The following NR3C2 variants were observed in gnomAD, a reference collection of about 807,000 sequenced individuals.
The protein encoded by NR3C2 is mineralocorticoid receptor.
A neutral mutation model predicts 86.4 loss-of-function variants in NR3C2; 15 were observed. That is an observed-to-expected ratio of 0.17 (90% CI 0.12 to 0.27). NR3C2 has a LOEUF of 0.27. Ranked by LOEUF, NR3C2 falls within the 10% of genes least tolerant of loss-of-function variation. The probability of loss-of-function intolerance (pLI) is 1.00; values close to 1 mark genes in which losing one functional copy is unlikely to be tolerated. For synonymous variants in NR3C2, 458 were observed against 450.5 expected (o/e 1.02, Z -0.21); for missense variants, 960 against 1,195.6 (o/e 0.80, Z 2.91).
intron 6 of NR3C2, among the ~76,000 whole-genome samples, chr4:148,144,797 G>T (rs186900203): frequency 1.3e-5 from 2 of 152,282 alleles, no homozygotes; most frequent in Admixed American, 1.3e-4. Context: ...TTCCATTCTG[G>T]AGTGCTTCTG....
chr4:148,371,699 A>G (rs1237841028), intron 2 of NR3C2, among the ~76,000 whole-genome samples: 1 of 152,164 alleles, frequency 6.6e-6, no homozygotes, highest in African/African-American at 2.4e-5. Flanking sequence ...CACTTTCCTT[A>G]AATTTTTGAT....
intron 2 of NR3C2, among the ~76,000 whole-genome samples, chr4:148,313,891 AACTT>A (rs1161878592): frequency 6.6e-6 from 1 of 152,182 alleles, no homozygotes; most frequent in African/African-American, 2.4e-5. Context: ...TGCTAGCATA[AACTT>A]GTGAGTTTTA....
At chr4:148,171,228 A>G (rs1196803345) in intron 4 of NR3C2, among the ~76,000 whole-genome samples, 1 of 152,180 alleles carries the variant, frequency 6.6e-6, no homozygotes, top group Non-Finnish European at 1.5e-5. Flanking sequence ...TTTATGGTCT[A>G]TGTCTCATCT....
chr4:148,264,575 C>A (rs1198789213), intron 2 of NR3C2, among the ~76,000 whole-genome samples: 2 of 152,194 alleles, frequency 1.3e-5, no homozygotes, highest in Non-Finnish European at 2.9e-5. Flanking sequence ...GAGGCCTGGG[C>A]TCTAGTTCTA....
chr4:148,225,760 C>T (rs1305733475), intron 3 of NR3C2, among the ~76,000 whole-genome samples: 1 of 152,140 alleles, frequency 6.6e-6, no homozygotes, highest in Non-Finnish European at 1.5e-5. Flanking sequence ...AACCACATTC[C>T]TAAGGAAATG....
chr4:148,436,941 G>T (rs961107916), intron 1 of NR3C2, 79 bp from the exon 2 acceptor site: 1 of 1,151,972 alleles, frequency 8.7e-7, no homozygotes, highest in African/African-American at 1.5e-5. Context: ...AATTGCATTT[G>T]CTAAGCCACA....
At chr4:148,372,991 A>G (rs1746494043) in intron 2 of NR3C2, among the ~76,000 whole-genome samples, 2 of 152,360 alleles carry the variant, frequency 1.3e-5, no homozygotes, top group African/African-American at 2.4e-5. Context: ...AAGAAAGTAG[A>G]TATCTTTGAG....
chr4:148,124,787 C>G (rs992921078), intron 6 of NR3C2, among the ~76,000 whole-genome samples: 2 of 152,138 alleles, frequency 1.3e-5, no homozygotes, highest in Admixed American at 1.3e-4. Context: ...CTTTTTATCT[C>G]TCTGTACTGC....
intron 3 of NR3C2, among the ~76,000 whole-genome samples, chr4:148,233,141 G>A (rs1309472205): frequency 6.6e-6 from 1 of 152,104 alleles, no homozygotes; most frequent in Non-Finnish European, 1.5e-5. Context: ...CTTATCATTT[G>A]TGTGTTCACT....
At chr4:148,153,344 A>C (rs1734193397) in intron 5 of NR3C2, among the ~76,000 whole-genome samples, 1 of 152,010 alleles carries the variant, frequency 6.6e-6, no homozygotes, top group Admixed American at 6.6e-5. Context: ...CGCCCAACTA[A>C]ATTTTGTATT....
chr4:148,281,008 C>T (rs148394877), intron 2 of NR3C2, among the ~76,000 whole-genome samples: 4 of 152,324 alleles, frequency 2.6e-5, no homozygotes, highest in Non-Finnish European at 5.9e-5. Context: ...GTCTCCGCTC[C>T]TTGGGCTAGA....
At chr4:148,267,182 G>A (rs1473308998) in intron 2 of NR3C2, among the ~76,000 whole-genome samples, 2 of 152,120 alleles carry the variant, frequency 1.3e-5, no homozygotes. Flanking sequence ...ACACGACTCA[G>A]TATATTCAAG....
chr4:148,245,179 A>G (rs1322364206), intron 3 of NR3C2, among the ~76,000 whole-genome samples: 1 of 152,226 alleles, frequency 6.6e-6, no homozygotes, highest in Non-Finnish European at 1.5e-5. Flanking sequence ...TCTGACAAGT[A>G]ATAAGAGCAC....
intron 7 of NR3C2, among the ~76,000 whole-genome samples, chr4:148,116,197 T>C (rs61764257): frequency 2.6e-5 from 4 of 152,234 alleles, no homozygotes; most frequent in Non-Finnish European, 1.5e-5. Flanking sequence ...TACCATTTGG[T>C]ACATCTAAGA....
chr4:148,240,676 A>G (rs1362533740), intron 3 of NR3C2, among the ~76,000 whole-genome samples: 3 of 152,204 alleles, frequency 2.0e-5, no homozygotes, highest in East Asian at 3.9e-4. Context: ...CATTATAGGA[A>G]CAGAACTATT....
chr4:148,203,444 A>T lies in NR3C2; in HGVS notation c.1898-8582T>A, dbSNP rs1448130127. 6.3e-5 allele frequency among the ~76,000 whole-genome samples: 9 copies of T among 143,688 alleles called. No homozygotes were observed. In the East Asian group the frequency reaches 1.8e-3, roughly 29 times the overall value. The allele number at this position is 143,688 out of a possible 152,430, so 94.3% of individuals were successfully genotyped here. ...GATCCATTTGTTGTCCTGCTGCAAG[A>T]TTTTTTTTTTTTTTTAAGCAGTTGA... On this transcript the variant is annotated intron_variant, in intron 3 of 8. Transcript: ENST00000358102.
intron 8 of NR3C2, among the ~76,000 whole-genome samples, chr4:148,095,930 AT>A (rs1351984149): frequency 6.6e-6 from 1 of 152,192 alleles, no homozygotes; most frequent in Admixed American, 6.5e-5. Flanking sequence ...CTTCATCCCC[AT>A]TTTTATAACA....
At chr4:148,272,929 T>C (rs1429910798) in intron 2 of NR3C2, among the ~76,000 whole-genome samples, 1 of 152,138 alleles carries the variant, frequency 6.6e-6, no homozygotes, top group Non-Finnish European at 1.5e-5. Context: ...GATAAAGAAG[T>C]TGAAGTAGGC....
At chr4:148,395,500 A>G (rs1747815722) in intron 2 of NR3C2, among the ~76,000 whole-genome samples, 1 of 152,220 alleles carries the variant, frequency 6.6e-6, no homozygotes, top group Admixed American at 6.5e-5. Context: ...GCACTTCTCA[A>G]AAGAAAAGGA....
Sources: gnomAD v4.1 joint callset for allele counts (sites outside exome capture counted in the v4.1 genomes callset) on GRCh38, gnomAD v4.1.1 for gene constraint, MANE v1.5 for transcripts, NCBI Gene and HGNC (gene_info 2026-07-23, HGNC 2026-07-21) for gene names.